KPNA3: variants seen among roughly 807,000 people sequenced by gnomAD.
The protein encoded by KPNA3 is karyopherin subunit alpha 3, also known as importin subunit alpha-4.
A neutral mutation model predicts 73.8 loss-of-function variants in KPNA3; 13 were observed. That is an observed-to-expected ratio of 0.18 (90% CI 0.11 to 0.28). The LOEUF is 0.28. Ranked by LOEUF, KPNA3 falls within the 10% of genes least tolerant of loss-of-function variation. The probability of loss-of-function intolerance (pLI) is 1.00; values close to 1 mark genes in which losing one functional copy is unlikely to be tolerated. For synonymous variants in KPNA3, 186 were observed against 206.9 expected (o/e 0.90, Z 0.87); for missense variants, 360 against 618.1 (o/e 0.58, Z 4.43).
chr13:49,744,395 A>G (rs1027743910), intron 2 of KPNA3, among the ~76,000 whole-genome samples: 3 of 152,222 alleles, frequency 2.0e-5, no homozygotes, highest in Non-Finnish European at 4.4e-5. Context: ...GGGAATTAGC[A>G]AGTATTTTTA....
intron 9 of KPNA3, among the ~76,000 whole-genome samples, chr13:49,720,095 T>C (rs1954341062): frequency 6.6e-6 from 1 of 152,170 alleles, no homozygotes; most frequent in Admixed American, 6.5e-5. Flanking sequence ...ATAAAAACAT[T>C]TGTTTTTAAT....
intron 6 of KPNA3, among the ~76,000 whole-genome samples, chr13:49,727,069 C>T (rs1954416612): frequency 6.6e-6 from 1 of 151,996 alleles, no homozygotes; most frequent in African/African-American, 2.4e-5. Context: ...ATTTAGTCAG[C>T]AAAAATTAAG....
intron 1 of KPNA3, among the ~76,000 whole-genome samples, chr13:49,760,361 G>A (rs1808613740): frequency 6.9e-6 from 1 of 145,470 alleles, no homozygotes; most frequent in Admixed American, 7.1e-5. Context: ...GTTGCAGTGA[G>A]CCAAGATCAC....
At chr13:49,754,835 A>G (rs1364112597) in intron 1 of KPNA3, among the ~76,000 whole-genome samples, 1 of 152,160 alleles carries the variant, frequency 6.6e-6, no homozygotes, top group East Asian at 1.9e-4. Context: ...CTCAATATGA[A>G]ATACCTAATT....
At chr13:49,725,595 T>C (rs79539024) in intron 6 of KPNA3, 94 bp from the exon 7 acceptor site, 3 of 740,038 alleles carry the variant, frequency 4.1e-6, no homozygotes, top group Admixed American at 3.0e-5. Flanking sequence ...TTCTTTGCCT[T>C]GTCCTTGAAT....
Position 49,710,936 on chromosome 13 carries a change from C to G in KPNA3, c.858G>C (p.Val286=). The G allele has an allele frequency of 6.2e-7, 1 of 1,613,890 alleles. No homozygotes were observed. The highest frequency in any genetic ancestry group is 8.5e-7 in the Non-Finnish European group (1 of 1,179,872). The change falls in exon 11 of 17, where the codon GTG becomes GTC. Residue 286 remains valine (V), a synonymous_variant. Coordinates refer to ENST00000261667, the MANE Select transcript of KPNA3 (RefSeq NM_002267.4). ...QIQMVIDSGV[V]PFLVPLLSHQ... ...GGCTCAGAAGGGGCACAAGAAAGGG[C>G]ACAACTCCTGAATCAATAACCATCT...
At chr13:49,712,002 A>G (rs992079072) in intron 10 of KPNA3, among the ~76,000 whole-genome samples, 3 of 152,182 alleles carry the variant, frequency 2.0e-5, no homozygotes, top group African/African-American at 7.2e-5. Flanking sequence ...AGACTGTGTA[A>G]AAGAGAGGAC....
intron 1 of KPNA3, among the ~76,000 whole-genome samples, chr13:49,783,615 G>T (rs1290170904): frequency 6.6e-6 from 1 of 152,114 alleles, no homozygotes; most frequent in East Asian, 1.9e-4. Flanking sequence ...ACTGAGGAGT[G>T]GTGTCAGTCA....
At chr13:49,702,328 A>C (rs1954155815) in intron 16 of KPNA3, 58 bp downstream of exon 16, 1 of 884,070 alleles carries the variant, frequency 1.1e-6, no homozygotes, top group Non-Finnish European at 1.8e-6. Flanking sequence ...TAGTAAATTT[A>C]CATCATGTAT....
intron 1 of KPNA3, among the ~76,000 whole-genome samples, chr13:49,784,952 A>T (rs1954970043): frequency 1.3e-5 from 2 of 152,184 alleles, no homozygotes; most frequent in African/African-American, 4.8e-5. Context: ...TTCTTCCAGG[A>T]GCAAAGAATG....
intron 1 of KPNA3, among the ~76,000 whole-genome samples, chr13:49,782,265 T>G (rs746446613): frequency 1.3e-5 from 2 of 152,170 alleles, no homozygotes; most frequent in African/African-American, 2.4e-5. Context: ...AGCTTAAACA[T>G]GCCAAGCCTT....
chr13:49,727,131 G>A (rs1369292974), intron 6 of KPNA3, among the ~76,000 whole-genome samples: 6 of 151,954 alleles, frequency 3.9e-5, no homozygotes, highest in Admixed American at 2.0e-4. Context: ...AGGGAAGAGA[G>A]CAAGCAAGGT....
At chr13:49,724,934 T>C (rs1954395962) in intron 7 of KPNA3, among the ~76,000 whole-genome samples, 1 of 152,206 alleles carries the variant, frequency 6.6e-6, no homozygotes, top group Non-Finnish European at 1.5e-5. Context: ...TCAATGTAAC[T>C]TACTGCCATA....
intron 2 of KPNA3, among the ~76,000 whole-genome samples, chr13:49,746,527 T>G (rs770424388): frequency 6.6e-6 from 1 of 152,070 alleles, no homozygotes; most frequent in Non-Finnish European, 1.5e-5. Flanking sequence ...AACTCTAAAA[T>G]CCTCCAAAAA....
At chr13:49,787,068 A>G (rs1954988695) in intron 1 of KPNA3, among the ~76,000 whole-genome samples, 1 of 152,238 alleles carries the variant, frequency 6.6e-6, no homozygotes, top group Non-Finnish European at 1.5e-5. Context: ...ATAGAATCTT[A>G]AACTTGGACA....
At chr13:49,742,852 G>A (rs1954585168) in intron 2 of KPNA3, among the ~76,000 whole-genome samples, 1 of 152,122 alleles carries the variant, frequency 6.6e-6, no homozygotes, top group Admixed American at 6.5e-5. Context: ...GGACTTTTGA[G>A]TAGCACGGCC....
intron 1 of KPNA3, among the ~76,000 whole-genome samples, chr13:49,788,653 C>A (rs143949245): frequency 1.5e-4 from 23 of 148,512 alleles, no homozygotes; most frequent in African/African-American, 5.5e-4. Flanking sequence ...TGGGAGGAGG[C>A]GAAGGTTATA....
intron 10 of KPNA3, 66 bp from the exon 11 acceptor site, chr13:49,711,088 C>G (rs1381164518): frequency 2.1e-6 from 3 of 1,447,814 alleles, no homozygotes; most frequent in South Asian, 1.4e-5. Context: ...GTTCAACACA[C>G]CTCAGGAGTA....
intron 2 of KPNA3, among the ~76,000 whole-genome samples, chr13:49,741,993 CTG>C (rs1315796460): frequency 6.6e-6 from 1 of 152,126 alleles, no homozygotes; most frequent in East Asian, 1.9e-4. Context: ...AGATTTTCCC[CTG>C]TGTTTTCTTC....
Sources: allele counts gnomAD v4.1 joint callset (sites outside exome capture counted in the v4.1 genomes callset), GRCh38; gene constraint gnomAD v4.1.1; transcripts MANE v1.5; gene names NCBI Gene and HGNC (gene_info 2026-07-23, HGNC 2026-07-21).